Variants in KIF22 observed in about 807,000 individuals in gnomAD.
KIF22 encodes kinesin-like protein KIF22.
Under a neutral mutation model 73.0 loss-of-function variants are expected in KIF22, and 62 were observed. That is an observed-to-expected ratio of 0.85 (90% CI 0.69 to 1.05). The LOEUF is 1.05. KIF22 is among the 50% of genes least tolerant of loss of function. KIF22 has a pLI of 0.00. For missense variants in KIF22, 854 were observed against 870.1 expected, an observed-to-expected ratio of 0.98 and a Z score of 0.23; for synonymous variants, 411 against 340.1, an observed-to-expected ratio of 1.21 and a Z score of -2.29.
chr16:29,800,609 A>G (rs1899104020), intron 8 of KIF22, among the ~76,000 whole-genome samples: 1 of 152,150 alleles, frequency 6.6e-6, no homozygotes, highest in African/African-American at 2.4e-5. Flanking sequence ...TACTAAAAAT[A>G]CAAAAATTAG....
chr16:29,804,190 C>T, intron 11 of KIF22, 125 bp downstream of exon 11: 2 of 756,456 alleles, frequency 2.6e-6, no homozygotes, highest in Non-Finnish European at 4.7e-6. Flanking sequence ...TACTAACAGA[C>T]CTCAACTTGC....
At chr16:29,803,941 C>A in intron 10 of KIF22, 57 bp from the exon 11 acceptor site, 1 of 1,311,834 alleles carries the variant, frequency 7.6e-7, no homozygotes, top group Non-Finnish European at 1.1e-6. Flanking sequence ...GAAGGGCTAC[C>A]AGGGAGGGTG....
At chr16:29,804,595 C>G in intron 11 of KIF22, 1 of 693,632 alleles carries the variant, frequency 1.4e-6, no homozygotes, top group Admixed American at 2.0e-5. Flanking sequence ...GAGAAGGGTG[C>G]TAATATTACC....
chr16:29,798,475 T>C lies in KIF22; in HGVS notation c.368T>C (p.Val123Ala). 6.2e-7 allele frequency: 1 copy of C among 1,614,174 alleles called. No homozygotes were observed. ...RHLLEGQNASVLAYGPTGAGK... is the reference protein window; with the variant it reads ...RHLLEGQNASALAYGPTGAGK... ...TTGCTGGAAGGGCAGAATGCCAGTG[T>C]GCTTGCCTATGGACCCACAGGAGCT... The change falls in exon 3 of 14, where the codon GTG becomes GCG. Residue 123 changes from valine (V) to alanine (A), a missense_variant. Val to Ala is a moderately conservative substitution (Grantham distance 64, BLOSUM62 0). This residue lies in a region of KIF22 where 245 missense variants were observed against 351.8 expected (regional missense o/e 0.70). Coordinates refer to ENST00000160827, the MANE Select transcript of KIF22 (RefSeq NM_007317.3). The surrounding 1 kb of genome is among the most constrained non-coding windows in gnomAD (Gnocchi z 4.1).
intron 1 of KIF22, among the ~76,000 whole-genome samples, chr16:29,796,278 A>AAAAC (rs1898947069): frequency 6.7e-6 from 1 of 149,508 alleles, no homozygotes; most frequent in Non-Finnish European, 1.5e-5. Flanking sequence ...CAAAAAAAAA[A>AAAAC]AAAAAAACAC....
intron 10 of KIF22, 72 bp from the exon 11 acceptor site, chr16:29,803,926 G>T (rs1899237339): frequency 2.6e-6 from 3 of 1,168,804 alleles, no homozygotes; most frequent in African/African-American, 1.5e-5. Context: ...AGAAATGGAA[G>T]AATCGAAGGG....
chr16:29,804,714 T>C lies in KIF22; in HGVS notation c.1678-100T>C, dbSNP rs900344463. 9.8e-6 allele frequency: 9 copies of C among 918,414 alleles called. No homozygotes were observed. The African/African-American group carries it at 1.5e-4, about 15-fold the overall frequency. 56.9% of individuals were successfully genotyped at this position (918,414 alleles called of 1,614,324 possible). ...CACACTTGACAAGAGAGGAAGAGGC[T>C]GGAGCGCAGGAGGTAGCTGGTGCTG... On this transcript the variant is annotated intron_variant, in intron 11 of 13. Coordinates refer to ENST00000160827, the MANE Select transcript of KIF22 (RefSeq NM_007317.3).
At position 29,805,323 on chromosome 16, in the gene KIF22, CACTCCGCCTTTTCAAATTT is replaced by C. The variant is rs1048462927; in HGVS notation, c.*14_*32del. On this transcript the variant is annotated 3_prime_UTR_variant, in exon 14 of 14. Coordinates refer to ENST00000160827, the MANE Select transcript of KIF22 (RefSeq NM_007317.3). ...TGGCGCCTCCTGACCGTCGTCTCCT[CACTCCGCCTTTTCAAATTT>C]TTGTATAACCCCGTGTTGTGTAAAT... 6 of 1,611,978 alleles carry C rather than the reference CACTCCGCCTTTTCAAATTT, an allele frequency of 3.7e-6. No individual in the cohort carries two copies. In the African/African-American group the frequency reaches 8.0e-5, roughly 22 times the overall value.
rs2142382670 is a variant in KIF22 at position 29,804,895 on chromosome 16, C to G, written c.1759C>G (p.His587Asp). The G allele has an allele frequency of 6.2e-7, 1 of 1,613,974 alleles. No homozygotes were observed. Among genetic ancestry groups the G allele is most frequent in the Non-Finnish European group, 8.5e-7 (1 of 1,180,010 alleles). ...ELQISPELLAHGRQKILDLLN... is the reference protein window; with the variant it reads ...ELQISPELLADGRQKILDLLN... ...ACAGATCAGCCCGGAGCTACTGGCT[C>G]ATGGGCGCCAAAAAATACTGGATCT... Residue 587 changes from histidine to aspartate, a missense_variant, in exon 12 of 14, where the codon CAT becomes GAT. Around this residue, in one of 3 missense-constraint regions of KIF22, gnomAD observed 423 missense variants for 365.4 expected, o/e 1.16. Transcript: ENST00000160827.
At chr16:29,791,777 CAAG>C (rs1475407145) in intron 1 of KIF22, among the ~76,000 whole-genome samples, 33 of 152,206 alleles carry the variant, frequency 2.2e-4, no homozygotes, top group African/African-American at 8.0e-4. Flanking sequence ...AATTCGCTCT[CAAG>C]GAGTCTGAGT....
intron 1 of KIF22, chr16:29,792,456 T>A (rs1340078589): frequency 5.2e-6 from 5 of 969,242 alleles, no homozygotes; most frequent in East Asian, 1.1e-4. Context: ...TAAATCTTAA[T>A]TTTTTTCAGC....
At chr16:29,794,995 A>G (rs960824026) in intron 1 of KIF22, among the ~76,000 whole-genome samples, 4 of 152,028 alleles carry the variant, frequency 2.6e-5, no homozygotes, top group Non-Finnish European at 4.4e-5. Flanking sequence ...CTGTCTGACC[A>G]GAGTCTACAC....
At chr16:29,791,614 A>G (rs1009127298) in intron 1 of KIF22, among the ~76,000 whole-genome samples, 1 of 152,216 alleles carries the variant, frequency 6.6e-6, no homozygotes, top group African/African-American at 2.4e-5. Context: ...AGCTCTTGCT[A>G]TGTGCCAGGC....
rs143289478 is a variant in KIF22 at position 29,800,008 on chromosome 16, G to A, written c.1240G>A (p.Glu414Lys). 1 of 1,613,724 alleles carries A rather than the reference G, an allele frequency of 6.2e-7. No homozygotes were observed. The highest frequency in any genetic ancestry group is 8.5e-7 in the Non-Finnish European group (1 of 1,180,014). ...TGAGGAAGAGGAGATCGGGAGCCCT[G>A]AGCCCATGGCAGCTCCAGCCTCTGC... ...GPEEEEIGSP[E>K]PMAAPASASQ... Residue 414 changes from glutamate to lysine, a missense_variant, in exon 8 of 14, where the codon GAG (glutamate) becomes AAG (lysine). By Grantham distance (56) the Glu-to-Lys change is moderately conservative (BLOSUM62 1). Coordinates refer to ENST00000160827, the MANE Select transcript of KIF22 (RefSeq NM_007317.3).
chr16:29,803,738 GGCTCTGAGGCAGTGCTGGGGGT>G, intron 10 of KIF22, 130 bp downstream of exon 10: 2 of 830,414 alleles, frequency 2.4e-6, no homozygotes, highest in African/African-American at 1.7e-5. Context: ...GGGGTGAGGA[GGCTCTGAGGCAGTGCTGGGGGT>G]GCTCTGCCCT....
At position 29,798,947 on chromosome 16, in the gene KIF22, T is replaced by C. The variant is rs371507469; in HGVS notation, c.550-28T>C. ...GAAGAAACAGCCTCTCTATGGAGAA[T>C]TGCCCTTCCCCTTCACTGCTTACAC... On this transcript the variant is annotated intron_variant, in intron 4 of 13. Coordinates refer to ENST00000160827, the MANE Select transcript of KIF22 (RefSeq NM_007317.3). The surrounding 1 kb of genome is among the most constrained non-coding windows in gnomAD (Gnocchi z 4.1). 245 of 1,606,046 alleles carry C rather than the reference T, an allele frequency of 1.5e-4. 2 individuals carry two copies. The African/African-American group carries it at 2.0e-3, about 13-fold the overall frequency.
Position 29,797,113 on chromosome 16 carries a change from C to T in KIF22, c.266+25C>T, listed in dbSNP as rs749216732. The T allele has an allele frequency of 2.4e-5, 37 of 1,516,390 alleles. No individual in the cohort carries two copies. In the South Asian group the frequency reaches 4.4e-4, roughly 18 times the overall value. 93.9% of individuals were successfully genotyped at this position (1,516,390 alleles called of 1,614,324 possible). A position where few individuals can be genotyped will look rare whatever the true frequency, so the allele number is the denominator to read the frequency against. On this transcript the variant is annotated intron_variant, in intron 2 of 13. Transcript: ENST00000160827. The surrounding 1 kb of genome is among the most constrained non-coding windows in gnomAD (Gnocchi z 4.1). ...AGTAAGGTTCAGGCCACTCCTCTTC[C>T]CTCATGCCATCACCTCCCTCTCCTA... is the stretch of plus-strand genomic sequence containing the variant.
At position 29,799,672 on chromosome 16, in the gene KIF22, T is replaced by G. The variant is rs1448962703; in HGVS notation, c.1035T>G (p.Ile345Met). Residue 345 changes from isoleucine to methionine, a missense_variant, in exon 7 of 14, where the codon ATT becomes ATG. Physicochemically the swap from Ile to Met is conservative, Grantham distance 10 (BLOSUM62 1). This residue lies in a region of KIF22 where 245 missense variants were observed against 351.8 expected (regional missense o/e 0.70). Coordinates refer to ENST00000160827, the MANE Select transcript of KIF22 (RefSeq NM_007317.3). Reference protein sequence around the residue: ...GSAHSILIANIAPERRFYLDT... With the variant: ...GSAHSILIANMAPERRFYLDT... ...CCCACAGTATCCTTATTGCCAACAT[T>G]GCCCCTGAGAGACGCTTCTACCTAG... 6.2e-7 allele frequency: 1 copy of G among 1,614,024 alleles called. No individual in the cohort carries two copies. Among genetic ancestry groups the G allele is most frequent in the Non-Finnish European group, 8.5e-7 (1 of 1,180,000 alleles).
At chr16:29,804,473 T>G in intron 11 of KIF22, 2 of 646,058 alleles carry the variant, frequency 3.1e-6, no homozygotes, top group Non-Finnish European at 5.7e-6. Flanking sequence ...TTCTCCCATG[T>G]ACTTTTTGAA....
Sources: gnomAD v4.1 joint callset for allele counts (sites outside exome capture counted in the v4.1 genomes callset) on GRCh38, gnomAD v4.1.1 for gene constraint, gnomAD v4.1.1 regional missense constraint, Gnocchi (gnomAD v3.1) non-coding constraint, MANE v1.5 for transcripts, NCBI Gene and HGNC (gene_info 2026-07-23, HGNC 2026-07-21) for gene names.